FHIT: variants seen among roughly 807,000 people sequenced by gnomAD.
FHIT encodes fragile histidine triad diadenosine triphosphatase, also known as bis(5'-adenosyl)-triphosphatase.
A neutral mutation model predicts 17.9 loss-of-function variants in FHIT; 19 were observed. The observed-to-expected ratio is 1.06, with a 90% CI of 0.74 to 1.56. The LOEUF is 1.56. FHIT is among the 40% of genes most tolerant of loss of function. The pLI, the probability that FHIT is intolerant of heterozygous loss-of-function variation, is 0.00. For missense variants in FHIT, 248 were observed against 189.2 expected, an observed-to-expected ratio of 1.31 and a Z score of -1.82; for synonymous variants, 81 against 69.7, an observed-to-expected ratio of 1.16 and a Z score of -0.81.
At chr3:60,645,762 G>A (rs541634476) in intron 4 of FHIT, among the ~76,000 whole-genome samples, 1 of 152,010 alleles carries the variant, frequency 6.6e-6, no homozygotes, top group East Asian at 1.9e-4. Context: ...TTTACTATAC[G>A]GTTTCTATAA....
intron 5 of FHIT, among the ~76,000 whole-genome samples, chr3:60,083,476 C>T (rs1019095722): frequency 1.3e-5 from 2 of 150,936 alleles, no homozygotes; most frequent in African/African-American, 4.9e-5. Context: ...TTTTCTAATT[C>T]CGTGAAAAAT....
At chr3:61,047,633 T>A (rs1308788565) in intron 2 of FHIT, among the ~76,000 whole-genome samples, 1 of 152,250 alleles carries the variant, frequency 6.6e-6, no homozygotes, top group Non-Finnish European at 1.5e-5. Flanking sequence ...AAAAACTACT[T>A]TAAAGTTCAT....
intron 8 of FHIT, among the ~76,000 whole-genome samples, chr3:59,874,649 C>A (rs996262677): frequency 6.7e-6 from 1 of 149,000 alleles, no homozygotes; most frequent in Non-Finnish European, 1.5e-5. Flanking sequence ...AGACTTCATC[C>A]GGCTGCTTGC....
At chr3:60,409,129 A>G (rs976016638) in intron 5 of FHIT, among the ~76,000 whole-genome samples, 6 of 152,192 alleles carry the variant, frequency 3.9e-5, no homozygotes, top group East Asian at 1.9e-4. Flanking sequence ...TAAATACTGA[A>G]TATGATAGTG....
At chr3:60,965,198 T>C (rs1709661994) in intron 3 of FHIT, among the ~76,000 whole-genome samples, 1 of 151,982 alleles carries the variant, frequency 6.6e-6, no homozygotes, top group Non-Finnish European at 1.5e-5. Context: ...CAATCACTGA[T>C]ATTCTTTCTT....
At chr3:60,706,980 A>G (rs2041389286) in intron 4 of FHIT, among the ~76,000 whole-genome samples, 1 of 152,248 alleles carries the variant, frequency 6.6e-6, no homozygotes. Flanking sequence ...TGCAGACAGG[A>G]GCCCAAGCCG....
intron 8 of FHIT, among the ~76,000 whole-genome samples, chr3:59,791,429 A>C (rs970453442): frequency 6.6e-6 from 1 of 152,198 alleles, no homozygotes; most frequent in Non-Finnish European, 1.5e-5. Flanking sequence ...GTTGCCTGAG[A>C]GAAGCAGAGA....
At chr3:61,214,686 C>T (rs888645890) in intron 1 of FHIT, among the ~76,000 whole-genome samples, 8 of 152,134 alleles carry the variant, frequency 5.3e-5, no homozygotes, top group African/African-American at 1.2e-4. Context: ...ATACCAAAGC[C>T]TGGCAGAGAC....
At chr3:60,446,511 C>T (rs966435052) in intron 5 of FHIT, among the ~76,000 whole-genome samples, 3 of 152,106 alleles carry the variant, frequency 2.0e-5, no homozygotes, top group Non-Finnish European at 4.4e-5. Flanking sequence ...TACACTAGTA[C>T]ACCTGTCATT....
rs547845256 is a variant in FHIT at position 60,442,848 on chromosome 3, G to A, written c.103+94012C>T. Among the ~76,000 whole-genome samples, 65 of 152,112 alleles carry A rather than the reference G, an allele frequency of 4.3e-4. 1 individual carries two copies. In the South Asian group the frequency reaches 6.0e-3, roughly 14 times the overall value. On this transcript the variant is annotated intron_variant, in intron 5 of 9. Transcript: ENST00000492590. ...GCTTGATGGGGATGGCATTGAATCT[G>A]TAAATTACCTTGGGCAGTATGGCCA... is the stretch of plus-strand genomic sequence containing the variant.
chr3:61,240,005 C>T (rs1447838324), intron 1 of FHIT, among the ~76,000 whole-genome samples: 1 of 152,042 alleles, frequency 6.6e-6, no homozygotes, highest in African/African-American at 2.4e-5. Context: ...CCCAGCTGTT[C>T]CATCTGCAAC....
intron 8 of FHIT, among the ~76,000 whole-genome samples, chr3:59,869,872 G>A (rs886139692): frequency 6.6e-6 from 1 of 151,882 alleles, no homozygotes; most frequent in African/African-American, 2.4e-5. Flanking sequence ...TTTACTCTTA[G>A]TTTTCTTCTT....
At chr3:61,202,643 T>G (rs2039064049) in intron 1 of FHIT, among the ~76,000 whole-genome samples, 1 of 152,096 alleles carries the variant, frequency 6.6e-6, no homozygotes, top group South Asian at 2.1e-4. Context: ...ATGCATACTT[T>G]CATATATCAG....
intron 8 of FHIT, among the ~76,000 whole-genome samples, chr3:59,869,642 C>T (rs1016043498): frequency 1.5e-4 from 18 of 116,328 alleles, no homozygotes; most frequent in African/African-American, 3.1e-4. Context: ...CCACCACGCC[C>T]AGCTAATTTT....
intron 4 of FHIT, among the ~76,000 whole-genome samples, chr3:60,654,519 A>T (rs2040070980): frequency 6.6e-6 from 1 of 152,148 alleles, no homozygotes; most frequent in South Asian, 2.1e-4. Context: ...TGAAGATATT[A>T]TTGAGGTATA....
At chr3:60,119,869 T>A (rs1705167676) in intron 5 of FHIT, among the ~76,000 whole-genome samples, 1 of 152,170 alleles carries the variant, frequency 6.6e-6, no homozygotes, top group African/African-American at 2.4e-5. Flanking sequence ...GACTTCCTTT[T>A]TATAAAACTC....
chr3:60,024,335 T>C (rs1431378460), intron 5 of FHIT, among the ~76,000 whole-genome samples: 2 of 152,194 alleles, frequency 1.3e-5, no homozygotes, highest in Non-Finnish European at 2.9e-5. Context: ...CAGTCCTCCA[T>C]GAGCTAGCAA....
At chr3:61,139,637 TC>T (rs762387209) in intron 2 of FHIT, among the ~76,000 whole-genome samples, 1 of 152,138 alleles carries the variant, frequency 6.6e-6, no homozygotes, top group Admixed American at 6.5e-5. Context: ...TAGAATTTCC[TC>T]TATGAATTTG....
At chr3:60,763,225 A>G (rs1476128154) in intron 4 of FHIT, among the ~76,000 whole-genome samples, 1 of 152,134 alleles carries the variant, frequency 6.6e-6, no homozygotes, top group Non-Finnish European at 1.5e-5. Context: ...GCCCAATCGA[A>G]ATGATAGGGA....
Sources: gnomAD v4.1 joint callset for allele counts (sites outside exome capture counted in the v4.1 genomes callset) on GRCh38, gnomAD v4.1.1 for gene constraint, MANE v1.5 for transcripts, NCBI Gene and HGNC (gene_info 2026-07-23, HGNC 2026-07-21) for gene names.